The following CHD8 variants were observed in gnomAD, a reference collection of about 807,000 sequenced individuals.
The protein encoded by CHD8 is chromodomain helicase DNA binding protein 8, also known as ATP-dependent chromatin remodeler CHD8.
In CHD8, 31 loss-of-function variants were observed where a neutral mutation model predicts 279.2. That is an observed-to-expected ratio of 0.11 (90% CI 0.08 to 0.15). The LOEUF (loss-of-function observed/expected upper bound fraction) is 0.15, where lower values mean the gene tolerates loss of function less well. CHD8 is among the 10% of genes least tolerant of loss of function. The pLI is 1.00. For missense variants in CHD8, 2,146 were observed against 3,230.5 expected (o/e 0.66, Z 8.14); for synonymous variants, 1,081 against 1,139.6 (o/e 0.95, Z 1.04).
At chr14:21,448,647 C>T (rs1890182453) in intron 1 of CHD8, among the ~76,000 whole-genome samples, 1 of 151,996 alleles carries the variant, frequency 6.6e-6, no homozygotes, top group African/African-American at 2.4e-5. Context: ...AGCTCCGCCT[C>T]CCAGATTCAA....
intron 10 of CHD8, among the ~76,000 whole-genome samples, 159 bp from the exon 11 acceptor site, chr14:21,410,147 G>A (rs1273587167): frequency 6.6e-6 from 1 of 152,122 alleles, no homozygotes; most frequent in Non-Finnish European, 1.5e-5. Context: ...TTCACCTTCT[G>A]ATGCACTATA....
intron 1 of CHD8, among the ~76,000 whole-genome samples, chr14:21,454,374 G>A (rs1192970803): frequency 6.6e-6 from 1 of 152,158 alleles, no homozygotes; most frequent in East Asian, 1.9e-4. Flanking sequence ...CCGGAATGCA[G>A]GGGCACGATC....
Position 21,408,684 on chromosome 14 carries a change from T to C in CHD8, c.2486+20A>G, listed in dbSNP as rs752571205. On this transcript the variant is annotated intron_variant, in intron 12 of 37. Coordinates refer to ENST00000646647, the MANE Select transcript of CHD8 (RefSeq NM_001170629.2). This position sits in a 1 kb window ranked among gnomAD's most constrained non-coding sequence, Gnocchi z 4.3. ...ATCCCAGAACTAAGCTTACATCTTA[T>C]GGCCCATTCTTTCCTTTACCTGTTA... The C allele has an allele frequency of 4.4e-6, 7 of 1,605,714 alleles. No individual in the cohort carries two copies. The highest frequency in any genetic ancestry group is 1.3e-5 in the African/African-American group (1 of 74,676).
intron 1 of CHD8, among the ~76,000 whole-genome samples, chr14:21,440,976 C>G (rs1334041030): frequency 2.6e-5 from 4 of 152,060 alleles, no homozygotes; most frequent in African/African-American, 4.8e-5. Context: ...CCTATATTTT[C>G]CATGGAAAGC....
In CHD8 at chr14:21,385,421, G is replaced by A. The variant is rs760799895; in HGVS notation, c.*192C>T. 2.8e-5 allele frequency: 24 copies of A among 871,870 alleles called. No individual in the cohort carries two copies. The East Asian group carries it at 3.8e-4, about 14-fold the overall frequency. 54.0% of individuals were successfully genotyped at this position (871,870 alleles called of 1,614,324 possible). On this transcript the variant is annotated 3_prime_UTR_variant, in exon 38 of 38. Coordinates refer to ENST00000646647, the MANE Select transcript of CHD8 (RefSeq NM_001170629.2). ...AGGAAGTGGTCATGTATTATTTTAGGAGTTCCCCTGCCCACCCAATCCTCT... is the reference window on the plus strand; with the variant it reads ...AGGAAGTGGTCATGTATTATTTTAGAAGTTCCCCTGCCCACCCAATCCTCT...
Position 21,414,292 on chromosome 14 carries a change from C to T in CHD8, c.2142+9G>A. ...AAAGAAATGACAGGCAATACCTATT[C>T]CTAATTACCTCATGGAAGAAGTGTC... is the stretch of plus-strand genomic sequence containing the variant. On this transcript the variant is annotated intron_variant, in intron 9 of 37. Transcript: ENST00000646647. 7.4e-7 allele frequency: 1 copy of T among 1,346,102 alleles called. No homozygotes were observed. Among genetic ancestry groups the T allele is most frequent in the South Asian group, 1.2e-5 (1 of 80,254 alleles). The allele number at this position is 1,346,102 out of a possible 1,614,324, so 83.4% of individuals were successfully genotyped here.
Position 21,400,756 on chromosome 14 carries a change from A to C in CHD8, c.4370+119T>G. ...ACAGAACAAACTCCCTCCAAGGCAA[A>C]TATTTTTTCACATTATCCCTTCTTT... is the stretch of plus-strand genomic sequence containing the variant. On this transcript the variant is annotated intron_variant, in intron 22 of 37. Coordinates refer to ENST00000646647, the MANE Select transcript of CHD8 (RefSeq NM_001170629.2). This position sits in a 1 kb window ranked among gnomAD's most constrained non-coding sequence, Gnocchi z 4.2. 7.6e-7 allele frequency: 1 copy of C among 1,311,648 alleles called. No homozygotes were observed. The highest frequency in any genetic ancestry group is 1.0e-6 in the Non-Finnish European group (1 of 962,764). The allele number at this position is 1,311,648 out of a possible 1,614,324, so 81.3% of individuals were successfully genotyped here.
rs186099857 is a variant in CHD8, at chr14:21,397,203, A to G, written c.5051+620T>C. On this transcript the variant is annotated intron_variant, in intron 27 of 37. Transcript: ENST00000646647. ...ACCCAATTTCCTTTGAGGGTCCTAC[A>G]CTAGGCAAACTGAGGGTGTGATCGT... The G allele has an allele frequency of 1.2e-4, 46 of 396,598 alleles. 1 individual carries two copies. The highest frequency in any genetic ancestry group is 9.1e-5 in the South Asian group (5 of 55,002). The allele number at this position is 396,598 out of a possible 1,614,324, so 24.6% of individuals were successfully genotyped here.
At chr14:21,418,877 G>A (rs1297838999) in intron 5 of CHD8, among the ~76,000 whole-genome samples, 1 of 152,228 alleles carries the variant, frequency 6.6e-6, no homozygotes, top group Non-Finnish European at 1.5e-5. Context: ...TAAGGTAAGA[G>A]AGAGCAGAAC....
chr14:21,430,940 A>G lies in CHD8; in HGVS notation c.704T>C (p.Val235Ala). The G allele has an allele frequency of 6.3e-7, 1 of 1,599,554 alleles. No individual in the cohort carries two copies. Among genetic ancestry groups the G allele is most frequent in the Non-Finnish European group, 8.5e-7 (1 of 1,179,794 alleles). ...TCGGCTGGGCTGGACAATGCGCTGA[A>G]CAGCAGCCTGGTTCCCAGGGACCTT... ...AAKVPGNQAAVQRIVQPSRPV... is the reference protein window; with the variant it reads ...AAKVPGNQAAAQRIVQPSRPV... Residue 235 changes from valine to alanine, a missense_variant, in exon 2 of 38, where the codon GTT (valine) becomes GCT (alanine). Val to Ala is a moderately conservative substitution (Grantham distance 64). Coordinates refer to ENST00000646647, the MANE Select transcript of CHD8 (RefSeq NM_001170629.2).
chr14:21,413,457 C>T (rs1038919210), intron 9 of CHD8, among the ~76,000 whole-genome samples: 2 of 148,566 alleles, frequency 1.3e-5, no homozygotes, highest in African/African-American at 2.5e-5. Context: ...TGCAGTAGAG[C>T]GATCTTGGCT....
chr14:21,390,638 C>T (rs180724394), intron 37 of CHD8, among the ~76,000 whole-genome samples: 5 of 152,046 alleles, frequency 3.3e-5, no homozygotes, highest in South Asian at 4.2e-4. Flanking sequence ...ATTAGCCAGG[C>T]GCGGTGGCAG....
intron 4 of CHD8, 36 bp from the exon 5 acceptor site, chr14:21,426,278 G>A: frequency 8.9e-7 from 1 of 1,126,568 alleles, no homozygotes; most frequent in Admixed American, 2.3e-5. Context: ...TTCAGTGAAA[G>A]CAAAGAAAAT....
chr14:21,422,577 C>T (rs1261652361), intron 5 of CHD8, among the ~76,000 whole-genome samples: 2 of 152,042 alleles, frequency 1.3e-5, no homozygotes, highest in African/African-American at 2.4e-5. Flanking sequence ...TAACAAATCA[C>T]GTTCATTTTG....
chr14:21,385,543 T>C lies in CHD8; in HGVS notation c.*70A>G. The C allele has an allele frequency of 6.8e-7, 1 of 1,473,662 alleles. No individual in the cohort carries two copies. The highest frequency in any genetic ancestry group is 9.0e-7 in the Non-Finnish European group (1 of 1,112,634). The allele number at this position is 1,473,662 out of a possible 1,614,324, so 91.3% of individuals were successfully genotyped here. A position where few individuals can be genotyped will look rare whatever the true frequency, so the allele number is the denominator to read the frequency against. On this transcript the variant is annotated 3_prime_UTR_variant, in exon 38 of 38. Coordinates refer to ENST00000646647, the MANE Select transcript of CHD8 (RefSeq NM_001170629.2). The stretch of plus-strand genomic sequence containing the variant: ...ACATCTCCCCTGCCCCTCCCACGTT[T>C]CCATAGTCCAAGGGCCAGAGTAAAT...
rs975999114 is a variant in CHD8, at chr14:21,405,560, T to C, written c.3052-96A>G. 5.3e-6 allele frequency: 8 copies of C among 1,508,144 alleles called. No homozygotes were observed. In the Admixed American group the frequency reaches 1.6e-4, roughly 31 times the overall value. The allele number at this position is 1,508,144 out of a possible 1,614,324, so 93.4% of individuals were successfully genotyped here. On this transcript the variant is annotated intron_variant, in intron 15 of 37. Transcript: ENST00000646647. The surrounding 1 kb of genome is among the most constrained non-coding windows in gnomAD (Gnocchi z 4.2). ...ATGGAAAAATTAGAGTTTTCCACTA[T>C]CTAAGAAATGTATACTTTGGATGAT...
At chr14:21,395,246 TC>T in intron 29 of CHD8, 51 bp downstream of exon 29, 1 of 1,545,668 alleles carries the variant, frequency 6.5e-7, no homozygotes, top group Non-Finnish European at 8.9e-7. Context: ...AGTGAATAAT[TC>T]CCCAACCCAC....
chr14:21,401,545 ACTTTT>A (rs765545800), intron 20 of CHD8, 32 bp from the exon 21 acceptor site: 152 of 1,160,552 alleles, frequency 1.3e-4, no homozygotes, highest in Non-Finnish European at 1.7e-4. Context: ...GGTAAAGCTG[ACTTTT>A]TTTTTTAAGT....
At position 21,405,784 on chromosome 14, in the gene CHD8, C is replaced by T. The variant is rs371880895; in HGVS notation, c.2988G>A (p.Pro996=). 1.9e-6 allele frequency: 3 copies of T among 1,613,836 alleles called. No homozygotes were observed. The highest frequency in any genetic ancestry group is 2.5e-6 in the Non-Finnish European group (3 of 1,179,794). The part of the protein sequence containing the change: ...ELFSLLHFLE[P]SQFPSESEFL... ...ACTCTGATTCTGAGGGAAATTGTGA[C>T]GGTTCCAAGAAATGAAGCAAGCTAA... Residue 996 remains proline, a synonymous_variant, in exon 15 of 38, where the codon CCG becomes CCA. Transcript: ENST00000646647. The surrounding 1 kb of genome is among the most constrained non-coding windows in gnomAD (Gnocchi z 4.2).
Sources: allele counts gnomAD v4.1 joint callset (sites outside exome capture counted in the v4.1 genomes callset), GRCh38; gene constraint gnomAD v4.1.1; non-coding constraint Gnocchi (gnomAD v3.1); transcripts MANE v1.5; gene names NCBI Gene and HGNC (gene_info 2026-07-23, HGNC 2026-07-21).